ACSF3: variants seen among roughly 807,000 people sequenced by gnomAD.
ACSF3 encodes the protein acyl-CoA synthetase family member 3.
Under a neutral mutation model 53.2 loss-of-function variants are expected in ACSF3, and 78 were observed. That is an observed-to-expected ratio of 1.47 (90% CI 1.22 to 1.77). ACSF3 has a LOEUF of 1.77. ACSF3 is among the 40% of genes most tolerant of loss of function. ACSF3 has a pLI of 0.00. For synonymous variants in ACSF3, 414 were observed against 333.1 expected (o/e 1.24, Z -2.65); for missense variants, 937 against 771.1 (o/e 1.22, Z -2.55).
At chr16:89,119,091 C>G (rs969591692) in intron 6 of ACSF3, among the ~76,000 whole-genome samples, 3 of 151,712 alleles carry the variant, frequency 2.0e-5, no homozygotes, top group Admixed American at 1.3e-4. Context: ...GGGCCCCTCC[C>G]TGAAGCTCTC....
intron 6 of ACSF3, among the ~76,000 whole-genome samples, chr16:89,116,597 G>C (rs1905155237): frequency 6.6e-6 from 1 of 152,236 alleles, no homozygotes; most frequent in Non-Finnish European, 1.5e-5. Flanking sequence ...GAGATCCTCA[G>C]CTGCCGTGCA....
intron 7 of ACSF3, among the ~76,000 whole-genome samples, chr16:89,125,346 A>ATAAT (rs1555570873): frequency 6.7e-6 from 1 of 149,216 alleles, no homozygotes; most frequent in Non-Finnish European, 1.5e-5. Context: ...TCTGTCTCAA[A>ATAAT]AAAAAAAAAA....
At chr16:89,153,651 G>T (rs1914383981) in intron 10 of ACSF3, 1 of 296,768 alleles carries the variant, frequency 3.4e-6, no homozygotes, top group Admixed American at 4.5e-5. Flanking sequence ...GACTGCCCCT[G>T]CCCCACCTGC....
intron 7 of ACSF3, among the ~76,000 whole-genome samples, chr16:89,129,333 TA>T (rs1908812267): frequency 6.6e-6 from 1 of 152,258 alleles, no homozygotes; most frequent in Non-Finnish European, 1.5e-5. Flanking sequence ...CATTCACATT[TA>T]TAATGATTGT....
intron 10 of ACSF3, chr16:89,147,520 T>C (rs1157035095): frequency 3.9e-4 from 1 of 2,536 alleles, no homozygotes; most frequent in African/African-American, 2.0e-3. Flanking sequence ...GGTCACAGAG[T>C]GAGCGGGGGG....
Position 89,155,936 on chromosome 16 carries a change from A to G in ACSF3, c.*1729A>G, listed in dbSNP as rs1161314729. On this transcript the variant is annotated 3_prime_UTR_variant, in exon 11 of 11. Coordinates refer to ENST00000614302, the MANE Select transcript of ACSF3 (RefSeq NM_001243279.3). ...ACAGAAAGCCTGGAGCTCATTGACC[A>G]GAAACTGCAGAGAGCCTGGAGCTCG... 1.6e-5 allele frequency: 6 copies of G among 366,772 alleles called. No homozygotes were observed. The highest frequency in any genetic ancestry group is 3.2e-5 in the Non-Finnish European group (6 of 188,412). 22.7% of individuals were successfully genotyped at this position (366,772 alleles called of 1,614,324 possible). A position where few individuals can be genotyped will look rare whatever the true frequency, so the allele number is the denominator to read the frequency against.
At chr16:89,121,015 C>T in intron 7 of ACSF3, 102 bp downstream of exon 7, 3 of 1,054,740 alleles carry the variant, frequency 2.8e-6, no homozygotes, top group Non-Finnish European at 4.3e-6. Flanking sequence ...AGACTCCCCT[C>T]CACGCAGGGG....
chr16:89,112,735 C>T (rs1046940380), intron 5 of ACSF3, among the ~76,000 whole-genome samples: 2 of 151,966 alleles, frequency 1.3e-5, no homozygotes, highest in African/African-American at 2.4e-5. Context: ...CTCTCCTGTC[C>T]GTCTCTCTCT....
In ACSF3 at chr16:89,154,357, T is replaced by C; in HGVS notation, c.*150T>C. 1 of 795,566 alleles carries C rather than the reference T, an allele frequency of 1.3e-6. No individual in the cohort carries two copies. The highest frequency in any genetic ancestry group is 1.5e-5 in the South Asian group (1 of 68,682). 49.3% of individuals were successfully genotyped at this position (795,566 alleles called of 1,614,324 possible). A position where few individuals can be genotyped will look rare whatever the true frequency, so the allele number is the denominator to read the frequency against. On this transcript the variant is annotated 3_prime_UTR_variant, in exon 11 of 11. Transcript: ENST00000614302. Reference sequence around the variant, plus strand: ...GAATCAAGAACTGTTTGGGATGAAATCACCATGTGGGGTCCCCAGCCTCGG... The same window carrying C: ...GAATCAAGAACTGTTTGGGATGAAACCACCATGTGGGGTCCCCAGCCTCGG...
intron 10 of ACSF3, chr16:89,151,097 C>T (rs995218287): frequency 4.8e-6 from 6 of 1,255,326 alleles, no homozygotes; most frequent in Non-Finnish European, 6.3e-6. Context: ...GAAACCTCGC[C>T]TCAGGCATGC....
In ACSF3 at chr16:89,100,760, A is replaced by C; in HGVS notation, c.79A>C (p.Arg27=). 1.2e-5 allele frequency: 19 copies of C among 1,608,720 alleles called. No homozygotes were observed. The highest frequency in any genetic ancestry group is 1.6e-5 in the Non-Finnish European group (19 of 1,179,860). The change falls in exon 3 of 11, where the codon AGA becomes CGA. Residue 27 remains arginine, a synonymous_variant. Transcript: ENST00000614302. ...ASCRLAPARH[R]GSGLLHTAPV... ...CTGCCGGCTGGCGCCTGCGAGACAC[A>C]GAGGAAGTGGTCTTCTGCACACAGC...
intron 1 of ACSF3, among the ~76,000 whole-genome samples, chr16:89,098,061 G>A (rs567660040): frequency 2.0e-5 from 3 of 151,802 alleles, no homozygotes; most frequent in Non-Finnish European, 4.4e-5. Context: ...GTGACAGAGC[G>A]AGACTCCGTC....
At chr16:89,097,033 A>C (rs1490076375) in intron 1 of ACSF3, among the ~76,000 whole-genome samples, 1 of 152,232 alleles carries the variant, frequency 6.6e-6, no homozygotes, top group Non-Finnish European at 1.5e-5. Flanking sequence ...AGCTCTGCTG[A>C]GCTCTGGGTT....
chr16:89,124,418 G>A (rs569349291), intron 7 of ACSF3, among the ~76,000 whole-genome samples: 45 of 150,546 alleles, frequency 3.0e-4, no homozygotes, highest in Non-Finnish European at 5.3e-4. Context: ...TGTGTTACCC[G>A]TGCGTGCACT....
At position 89,155,741 on chromosome 16, in the gene ACSF3, A is replaced by G. The variant is rs1310742296; in HGVS notation, c.*1534A>G. The G allele has an allele frequency of 8.8e-6, 4 of 453,788 alleles. No homozygotes were observed. The highest frequency in any genetic ancestry group is 4.7e-5 in the Admixed American group (2 of 42,560). The allele number at this position is 453,788 out of a possible 1,614,324, so 28.1% of individuals were successfully genotyped here. A position where few individuals can be genotyped will look rare whatever the true frequency, so the allele number is the denominator to read the frequency against. ...GGAAAAGGTCAAATTTAACATAGCA[A>G]AATTTTTACTTAATTCCACTAATTT... On this transcript the variant is annotated 3_prime_UTR_variant, in exon 11 of 11. Transcript: ENST00000614302.
chr16:89,135,880 T>A (rs1344102391), intron 8 of ACSF3, among the ~76,000 whole-genome samples: 1 of 152,226 alleles, frequency 6.6e-6, no homozygotes, highest in Non-Finnish European at 1.5e-5. Context: ...GTTCAAGCAA[T>A]TCTCCTGCCT....
At chr16:89,123,401 C>A (rs995111479) in intron 7 of ACSF3, among the ~76,000 whole-genome samples, 1 of 152,216 alleles carries the variant, frequency 6.6e-6, no homozygotes, top group African/African-American at 2.4e-5. Flanking sequence ...GTACTTTCAT[C>A]TGAGTCTCAC....
chr16:89,151,043 A>G (rs1457739273), intron 10 of ACSF3: 1 of 1,289,162 alleles, frequency 7.8e-7, no homozygotes, highest in Non-Finnish European at 1.0e-6. Flanking sequence ...AAGAACACCC[A>G]ACCAAGAGGA....
At position 89,133,268 on chromosome 16, in the gene ACSF3, A is replaced by T; in HGVS notation, c.1366+6A>T. 1 of 1,613,986 alleles carries T rather than the reference A, an allele frequency of 6.2e-7. No homozygotes were observed. Among genetic ancestry groups the T allele is most frequent in the African/African-American group, 1.3e-5 (1 of 75,054 alleles). On this transcript the variant is annotated splice_donor_region_variant and intron_variant, in intron 8 of 10. Coordinates refer to ENST00000614302, the MANE Select transcript of ACSF3 (RefSeq NM_001243279.3). ...GGATGGCTGGTTTAAGACAGGTAGG[A>T]CCCAGCCCCATGGGAGTGGAGGAGA...
Sources: allele counts gnomAD v4.1 joint callset (sites outside exome capture counted in the v4.1 genomes callset), GRCh38; gene constraint gnomAD v4.1.1; transcripts MANE v1.5; gene names NCBI Gene and HGNC (gene_info 2026-07-23, HGNC 2026-07-21).